Variants in TBC1D5 observed in about 807,000 individuals in gnomAD.
TBC1D5 encodes the protein TBC1 domain family member 5, also known as TBC1 domain family, member 5.
TBC1D5 carries 75 observed loss-of-function variants against 100.3 expected under a neutral mutation model. The observed-to-expected ratio is 0.75, with a 90% confidence interval of 0.62 to 0.91. The LOEUF (loss-of-function observed/expected upper bound fraction) is 0.91, where lower values mean the gene tolerates loss of function less well. Ranked by LOEUF, TBC1D5 falls within the 40% of genes least tolerant of loss-of-function variation. TBC1D5 has a pLI of 0.00. For synonymous variants in TBC1D5, 323 were observed against 325.6 expected (o/e 0.99, Z 0.09); for missense variants, 910 against 942.4 (o/e 0.97, Z 0.45).
intron 2 of TBC1D5, among the ~76,000 whole-genome samples, chr3:17,549,930 AAATAAT>A (rs538869359): frequency 6.7e-6 from 1 of 150,102 alleles, no homozygotes; most frequent in Admixed American, 6.7e-5. Flanking sequence ...ACTCTGTCTA[AAATAAT>A]AATAATAATA....
chr3:17,649,583 C>G (rs1414627346), intron 1 of TBC1D5, among the ~76,000 whole-genome samples: 2 of 152,066 alleles, frequency 1.3e-5, no homozygotes, highest in African/African-American at 4.8e-5. Flanking sequence ...CAAATCAAAA[C>G]CACAATGAGA....
chr3:17,652,874 A>G (rs556888278), intron 1 of TBC1D5, among the ~76,000 whole-genome samples: 17 of 152,330 alleles, frequency 1.1e-4, no homozygotes, highest in African/African-American at 4.1e-4. Flanking sequence ...TCACTGCAGC[A>G]CTATTCACAA....
At chr3:17,362,140 T>A (rs117643295) in intron 13 of TBC1D5, among the ~76,000 whole-genome samples, 46 of 152,238 alleles carry the variant, frequency 3.0e-4, no homozygotes, top group Non-Finnish European at 4.9e-4. Context: ...ACATAAAAAT[T>A]AAGCCAAAAT....
chr3:17,539,121 G>C (rs1224327910), intron 2 of TBC1D5, among the ~76,000 whole-genome samples: 3 of 152,172 alleles, frequency 2.0e-5, no homozygotes, highest in Non-Finnish European at 4.4e-5. Context: ...CAGAGGCAGA[G>C]GCTGCAATAA....
chr3:17,326,240 C>T (rs941109542), intron 13 of TBC1D5, among the ~76,000 whole-genome samples: 2 of 152,072 alleles, frequency 1.3e-5, no homozygotes, highest in Non-Finnish European at 2.9e-5. Context: ...GTGTTCCATC[C>T]AGAATAGGAA....
chr3:17,229,600 C>T (rs1461402543), intron 17 of TBC1D5, among the ~76,000 whole-genome samples: 1 of 152,122 alleles, frequency 6.6e-6, no homozygotes, highest in African/African-American at 2.4e-5. Context: ...GAGCAGGTAG[C>T]ACCCTAGAGC....
At chr3:17,546,780 T>G (rs1329191313) in intron 2 of TBC1D5, among the ~76,000 whole-genome samples, 1 of 135,016 alleles carries the variant, frequency 7.4e-6, no homozygotes, top group African/African-American at 2.8e-5. Context: ...CGAGACTCCA[T>G]CTCAAAAAAA....
chr3:17,213,778 A>G (rs1040009984), intron 18 of TBC1D5, among the ~76,000 whole-genome samples: 1 of 151,594 alleles, frequency 6.6e-6, no homozygotes, highest in Admixed American at 6.6e-5. Flanking sequence ...CAGCGTATCA[A>G]AATAGAATTT....
At chr3:17,248,719 C>G (rs1403864559) in intron 16 of TBC1D5, among the ~76,000 whole-genome samples, 9 of 152,108 alleles carry the variant, frequency 5.9e-5, no homozygotes, top group African/African-American at 1.9e-4. Context: ...CAGTAGGTCT[C>G]AACAGTGACA....
chr3:17,453,652 C>A (rs1490720025), intron 3 of TBC1D5, among the ~76,000 whole-genome samples: 1 of 151,952 alleles, frequency 6.6e-6, no homozygotes, highest in Non-Finnish European at 1.5e-5. Flanking sequence ...AAGATCAAAG[C>A]CATAATGGCT....
chr3:17,473,036 C>T (rs1576212917), intron 3 of TBC1D5, among the ~76,000 whole-genome samples: 1 of 152,156 alleles, frequency 6.6e-6, no homozygotes, highest in Non-Finnish European at 1.5e-5. Flanking sequence ...TCATGAGCTA[C>T]AAATTTTATC....
intron 3 of TBC1D5, among the ~76,000 whole-genome samples, chr3:17,437,291 C>A (rs1287924045): frequency 2.0e-5 from 3 of 152,130 alleles, no homozygotes; most frequent in Non-Finnish European, 4.4e-5. Context: ...GCTATGATAA[C>A]ACAAAACAGA....
chr3:17,360,474 T>TAC (rs1453683980), intron 13 of TBC1D5, among the ~76,000 whole-genome samples: 4 of 151,978 alleles, frequency 2.6e-5, no homozygotes, highest in Non-Finnish European at 5.9e-5. Context: ...TATATATATA[T>TAC]ACCTAGAATG....
At chr3:17,676,126 T>G (rs2068596187) in intron 1 of TBC1D5, among the ~76,000 whole-genome samples, 1 of 152,148 alleles carries the variant, frequency 6.6e-6, no homozygotes, top group Admixed American at 6.5e-5. Flanking sequence ...AATATTTTAC[T>G]AAAAGAAATA....
intron 1 of TBC1D5, among the ~76,000 whole-genome samples, chr3:17,705,627 C>T (rs2074030182): frequency 1.6e-5 from 2 of 126,322 alleles, no homozygotes; most frequent in East Asian, 2.6e-4. Flanking sequence ...GGGGCAGAGG[C>T]GCTCCCCACA....
intron 3 of TBC1D5, among the ~76,000 whole-genome samples, chr3:17,459,038 T>C (rs2095148821): frequency 6.6e-6 from 1 of 152,192 alleles, no homozygotes; most frequent in Non-Finnish European, 1.5e-5. Context: ...GAGAAAAATA[T>C]TTCATGATTA....
intron 16 of TBC1D5, among the ~76,000 whole-genome samples, chr3:17,250,898 T>C (rs1161083429): frequency 2.6e-5 from 4 of 152,234 alleles, no homozygotes; most frequent in Non-Finnish European, 5.9e-5. Flanking sequence ...TGGCACTAAA[T>C]GCAAGAATTG....
intron 3 of TBC1D5, among the ~76,000 whole-genome samples, chr3:17,479,663 C>G (rs1194761380): frequency 6.6e-6 from 1 of 152,026 alleles, no homozygotes; most frequent in Non-Finnish European, 1.5e-5. Flanking sequence ...AGAGTGAGAC[C>G]CCATCTCTAC....
chr3:17,734,950 G>A (rs1384761751), intron 1 of TBC1D5, among the ~76,000 whole-genome samples: 1 of 151,696 alleles, frequency 6.6e-6, no homozygotes, highest in African/African-American at 2.4e-5. Flanking sequence ...TTAATTAGCT[G>A]GGCATGGTGG....
Sources: allele counts gnomAD v4.1 joint callset (sites outside exome capture counted in the v4.1 genomes callset), GRCh38; gene constraint gnomAD v4.1.1; transcripts MANE v1.5; gene names NCBI Gene and HGNC (gene_info 2026-07-23, HGNC 2026-07-21).